The following GPC5 variants were observed in gnomAD, a reference collection of about 807,000 sequenced individuals.
GPC5 encodes glypican-5.
A neutral mutation model predicts 53.9 loss-of-function variants in GPC5; 47 were observed. The observed-to-expected ratio is 0.87, with a 90% confidence interval of 0.69 to 1.11. The LOEUF (loss-of-function observed/expected upper bound fraction) is 1.11, where lower values mean the gene tolerates loss of function less well. GPC5 is among the 50% of genes most tolerant of loss of function. The pLI, the probability that GPC5 is intolerant of heterozygous loss-of-function variation, is 0.00. For synonymous variants in GPC5, 286 were observed against 263.3 expected, an observed-to-expected ratio of 1.09 and a Z score of -0.84; for missense variants, 748 against 713.1, an observed-to-expected ratio of 1.05 and a Z score of -0.56.
chr13:92,783,324 G>C (rs1876099261), intron 7 of GPC5, among the ~76,000 whole-genome samples: 1 of 152,144 alleles, frequency 6.6e-6, no homozygotes, highest in Non-Finnish European at 1.5e-5. Context: ...TGAGTGCATT[G>C]AGAGTTTACA....
At chr13:91,860,959 C>A (rs959372580) in intron 5 of GPC5, among the ~76,000 whole-genome samples, 3 of 152,004 alleles carry the variant, frequency 2.0e-5, no homozygotes, top group African/African-American at 4.8e-5. Context: ...TCTAAATTAT[C>A]TTTTGATTTC....
intron 7 of GPC5, among the ~76,000 whole-genome samples, chr13:92,734,231 A>G (rs933540463): frequency 1.3e-5 from 2 of 151,762 alleles, no homozygotes; most frequent in Non-Finnish European, 2.9e-5. Flanking sequence ...CTGACTCTTA[A>G]CATTTTCAGA....
At chr13:92,742,530 T>C (rs1301259412) in intron 7 of GPC5, among the ~76,000 whole-genome samples, 1 of 147,170 alleles carries the variant, frequency 6.8e-6, no homozygotes, top group Non-Finnish European at 1.5e-5. Context: ...ATGTTGTAGG[T>C]TGCCTGTTCA....
chr13:91,600,344 A>AGT (rs1300595450), intron 2 of GPC5, among the ~76,000 whole-genome samples: 2 of 62,068 alleles, frequency 3.2e-5, no homozygotes, highest in African/African-American at 9.2e-5. Context: ...AGAGAGAGAG[A>AGT]GAGAGTGTGT....
At chr13:92,757,499 A>G (rs917095552) in intron 7 of GPC5, among the ~76,000 whole-genome samples, 4 of 152,236 alleles carry the variant, frequency 2.6e-5, no homozygotes, top group African/African-American at 9.6e-5. Context: ...ATTAAACTAA[A>G]GAGCTTCTGT....
At chr13:92,719,412 T>C (rs1933194) in intron 7 of GPC5, among the ~76,000 whole-genome samples, 8,115 of 152,240 alleles carry the variant, frequency 0.053, 616 homozygotes, top group East Asian at 0.32. Context: ...ATTTTTCTCA[T>C]TGTGATTTCA....
intron 7 of GPC5, among the ~76,000 whole-genome samples, chr13:92,471,462 A>C (rs1482156712): frequency 6.6e-6 from 1 of 152,010 alleles, no homozygotes; most frequent in African/African-American, 2.4e-5. Flanking sequence ...TTGGTTACTT[A>C]TCTCTCCCTA....
chr13:92,353,858 T>C (rs1175636678), intron 7 of GPC5, among the ~76,000 whole-genome samples: 1 of 152,198 alleles, frequency 6.6e-6, no homozygotes, highest in Admixed American at 6.5e-5. Context: ...TTGAAATTAC[T>C]TAAAATTTAT....
chr13:91,873,628 G>A (rs1323993914), intron 5 of GPC5, among the ~76,000 whole-genome samples: 2 of 152,130 alleles, frequency 1.3e-5, no homozygotes, highest in East Asian at 1.9e-4. Flanking sequence ...ATGTGGAACT[G>A]TGAGACCTTT....
In GPC5 at chr13:91,933,513, A is replaced by G. The variant is rs545410596; in HGVS notation, c.1401+25456A>G. Among the ~76,000 whole-genome samples, 11 of 152,074 alleles carry G rather than the reference A, an allele frequency of 7.2e-5. No individual in the cohort carries two copies. The South Asian group carries it at 2.3e-3, about 31-fold the overall frequency. On this transcript the variant is annotated intron_variant, in intron 6 of 7. Coordinates refer to ENST00000377067, the MANE Select transcript of GPC5 (RefSeq NM_004466.6). ...CCTGCAAAGGTCTGGGTATTTATAC[A>G]TACTATTTTATGTATTCATCTCATC...
At chr13:92,656,645 C>T (rs1365217957) in intron 7 of GPC5, among the ~76,000 whole-genome samples, 2 of 152,208 alleles carry the variant, frequency 1.3e-5, no homozygotes, top group Non-Finnish European at 2.9e-5. Context: ...TATTTATGAA[C>T]TGCATTTGGT....
At chr13:91,652,721 T>C (rs939981906) in intron 2 of GPC5, among the ~76,000 whole-genome samples, 14 of 152,334 alleles carry the variant, frequency 9.2e-5, no homozygotes, top group African/African-American at 3.4e-4. Flanking sequence ...CAGTTGACCG[T>C]GGTAACTGAA....
intron 2 of GPC5, among the ~76,000 whole-genome samples, chr13:91,529,829 T>A (rs1886255667): frequency 6.6e-6 from 1 of 152,184 alleles, no homozygotes; most frequent in African/African-American, 2.4e-5. Context: ...ACCTCACTTT[T>A]TTTTGTTTTC....
At chr13:92,024,959 A>G (rs1306674054) in intron 6 of GPC5, among the ~76,000 whole-genome samples, 1 of 152,172 alleles carries the variant, frequency 6.6e-6, no homozygotes, top group Non-Finnish European at 1.5e-5. Context: ...GTTGAAAGTC[A>G]TCATGCTTAC....
chr13:92,145,229 C>T (rs1453612116), intron 7 of GPC5, among the ~76,000 whole-genome samples: 1 of 151,602 alleles, frequency 6.6e-6, no homozygotes, highest in Non-Finnish European at 1.5e-5. Context: ...AAACAATCAC[C>T]AGTTCTGAGA....
At chr13:91,707,683 T>A (rs1566626161) in intron 3 of GPC5, among the ~76,000 whole-genome samples, 1 of 152,176 alleles carries the variant, frequency 6.6e-6, no homozygotes, top group Non-Finnish European at 1.5e-5. Context: ...TGGAAAAAAC[T>A]GAGCATGCAA....
At chr13:92,798,076 A>G (rs1876764313) in intron 7 of GPC5, among the ~76,000 whole-genome samples, 1 of 151,842 alleles carries the variant, frequency 6.6e-6, no homozygotes, top group Non-Finnish European at 1.5e-5. Context: ...CAATAGCAAC[A>G]AGTCATGTTG....
At chr13:91,448,478 G>A (rs913909846) in intron 1 of GPC5, among the ~76,000 whole-genome samples, 2 of 152,162 alleles carry the variant, frequency 1.3e-5, no homozygotes, top group Non-Finnish European at 2.9e-5. Flanking sequence ...TCTTGATTGA[G>A]CGCTGTACTT....
At chr13:92,645,928 CTTTTCTGA>C (rs1474991672) in intron 7 of GPC5, among the ~76,000 whole-genome samples, 1 of 151,772 alleles carries the variant, frequency 6.6e-6, no homozygotes, top group African/African-American at 2.4e-5. Context: ...ATACAAATTC[CTTTTCTGA>C]TATATGATTT....
Sources: allele counts gnomAD v4.1 joint callset (sites outside exome capture counted in the v4.1 genomes callset), GRCh38; gene constraint gnomAD v4.1.1; transcripts MANE v1.5; gene names NCBI Gene and HGNC (gene_info 2026-07-23, HGNC 2026-07-21).